The following CDH4 variants were observed in gnomAD, a reference collection of about 807,000 sequenced individuals.
CDH4 encodes cadherin 4.
A neutral mutation model predicts 86.0 loss-of-function variants in CDH4; 33 were observed. The observed-to-expected ratio is 0.38, with a 90% CI of 0.29 to 0.51. The LOEUF is 0.51. Among genes scored for constraint, CDH4 ranks in the 20% least tolerant of loss-of-function variants. The pLI is 0.86. For synonymous variants in CDH4, 555 were observed against 549.4 expected (o/e 1.01, Z -0.14); for missense variants, 1,114 against 1,307.4 (o/e 0.85, Z 2.28).
intron 2 of CDH4, among the ~76,000 whole-genome samples, chr20:61,624,885 C>T (rs2086815713): frequency 1.3e-5 from 2 of 152,304 alleles, no homozygotes; most frequent in South Asian, 2.1e-4. Context: ...GCCCCTTGAT[C>T]CCAGAAACAC....
intron 2 of CDH4, among the ~76,000 whole-genome samples, chr20:61,627,863 C>T (rs2086844515): frequency 6.6e-6 from 1 of 152,060 alleles, no homozygotes; most frequent in Admixed American, 6.5e-5. Flanking sequence ...TCCTTTCTCC[C>T]TTTTGTGTCG....
chr20:61,593,884 C>A (rs1447804579), intron 2 of CDH4, among the ~76,000 whole-genome samples: 1 of 151,140 alleles, frequency 6.6e-6, no homozygotes, highest in Non-Finnish European at 1.5e-5. Flanking sequence ...CCAGCAGAAC[C>A]CAGCACCTCC....
intron 2 of CDH4, among the ~76,000 whole-genome samples, chr20:61,714,569 C>T (rs2087931670): frequency 6.6e-6 from 1 of 152,230 alleles, no homozygotes; most frequent in African/African-American, 2.4e-5. Context: ...CCCACACTCC[C>T]CTCTTCTGGG....
At chr20:61,399,639 G>C (rs1488975897) in intron 2 of CDH4, among the ~76,000 whole-genome samples, 2 of 152,154 alleles carry the variant, frequency 1.3e-5, no homozygotes, top group Admixed American at 6.5e-5. Flanking sequence ...TGTGTGCCGG[G>C]CCTCGCTGCA....
At chr20:61,677,096 G>A (rs978006600) in intron 2 of CDH4, among the ~76,000 whole-genome samples, 3 of 152,174 alleles carry the variant, frequency 2.0e-5, no homozygotes, top group East Asian at 1.9e-4. Context: ...CTTTTACTCC[G>A]CATGCGGTAG....
At chr20:61,451,371 C>T (rs1188581565) in intron 2 of CDH4, among the ~76,000 whole-genome samples, 1 of 152,180 alleles carries the variant, frequency 6.6e-6, no homozygotes, top group Non-Finnish European at 1.5e-5. Context: ...CTATGAATCT[C>T]AGGTAGGATT....
At chr20:61,823,691 G>A (rs536058952) in intron 4 of CDH4, among the ~76,000 whole-genome samples, 40 of 152,280 alleles carry the variant, frequency 2.6e-4, no homozygotes, top group African/African-American at 9.6e-4. Flanking sequence ...TATCTTCACC[G>A]TGAATTTGTA....
At chr20:61,691,811 T>C (rs2087658723) in intron 2 of CDH4, among the ~76,000 whole-genome samples, 1 of 152,240 alleles carries the variant, frequency 6.6e-6, no homozygotes, top group Non-Finnish European at 1.5e-5. Context: ...ACCGTGTCTA[T>C]GGTCTGTCAC....
chr20:61,439,186 T>G (rs62200865), intron 2 of CDH4, among the ~76,000 whole-genome samples: 25,490 of 152,152 alleles, frequency 0.17, 2,212 homozygotes, highest in Non-Finnish European at 0.18. Flanking sequence ...ATTTGAAGAT[T>G]CAGGCCTGTC....
At chr20:61,543,850 C>A (rs1461196258) in intron 2 of CDH4, among the ~76,000 whole-genome samples, 2 of 152,212 alleles carry the variant, frequency 1.3e-5, no homozygotes, top group Non-Finnish European at 2.9e-5. Context: ...GGCTGTTGAC[C>A]TGATGGAATG....
chr20:61,764,698 C>A (rs1037846938), intron 3 of CDH4, among the ~76,000 whole-genome samples: 1 of 152,208 alleles, frequency 6.6e-6, no homozygotes, highest in African/African-American at 2.4e-5. Flanking sequence ...GCACCTTCCT[C>A]CCCAGATGTA....
intron 2 of CDH4, among the ~76,000 whole-genome samples, chr20:61,334,273 T>G (rs188171356): frequency 1.7e-3 from 264 of 152,354 alleles, no homozygotes; most frequent in African/African-American, 6.0e-3. Context: ...CCTATTTTTG[T>G]GGTGTCTCAC....
At chr20:61,574,635 G>A (rs528646917) in intron 2 of CDH4, among the ~76,000 whole-genome samples, 3 of 152,254 alleles carry the variant, frequency 2.0e-5, no homozygotes, top group South Asian at 2.1e-4. Flanking sequence ...TACTGCGTCC[G>A]GCCACTGAGA....
chr20:61,464,875 G>T (rs2085464218), intron 2 of CDH4, among the ~76,000 whole-genome samples: 1 of 152,196 alleles, frequency 6.6e-6, no homozygotes, highest in African/African-American at 2.4e-5. Flanking sequence ...GAACAAAGAA[G>T]CCGGCTTCAA....
chr20:61,702,143 C>G (rs962550503), intron 2 of CDH4, among the ~76,000 whole-genome samples: 1 of 152,260 alleles, frequency 6.6e-6, no homozygotes, highest in Non-Finnish European at 1.5e-5. Flanking sequence ...TTGAGTGGTT[C>G]TCATGCTGAG....
At chr20:61,836,903 G>C (rs1462166061) in intron 4 of CDH4, among the ~76,000 whole-genome samples, 1 of 152,230 alleles carries the variant, frequency 6.6e-6, no homozygotes, top group Non-Finnish European at 1.5e-5. Flanking sequence ...TTTAAAAGTG[G>C]GGGTAGGGGG....
At chr20:61,724,975 G>T (rs1335606912) in intron 2 of CDH4, among the ~76,000 whole-genome samples, 4 of 152,044 alleles carry the variant, frequency 2.6e-5, no homozygotes, top group African/African-American at 9.7e-5. Context: ...AGCAGGGCAT[G>T]GTGGCAGGTA....
chr20:61,823,435 G>A (rs966983168), intron 4 of CDH4, among the ~76,000 whole-genome samples: 1 of 151,858 alleles, frequency 6.6e-6, no homozygotes, highest in African/African-American at 2.4e-5. Context: ...GATGGTGGTA[G>A]AGGAAGAGAA....
rs368287410 is a variant in CDH4 at position 61,347,616 on chromosome 20, A to G, written c.169+92679A>G. On this transcript the variant is annotated intron_variant, in intron 2 of 15. Coordinates refer to ENST00000614565, the MANE Select transcript of CDH4 (RefSeq NM_001794.5). The stretch of plus-strand genomic sequence containing the variant: ...CCCTCTAGTGTGAGCGCTGAGAGAC[A>G]CATAAGGCTGTTCTGATTCATCGTG... 2.6e-5 allele frequency among the ~76,000 whole-genome samples: 4 copies of G among 152,234 alleles called. No individual in the cohort carries two copies. The South Asian group carries it at 8.3e-4, about 31-fold the overall frequency.
Sources: allele counts gnomAD v4.1 joint callset (sites outside exome capture counted in the v4.1 genomes callset), GRCh38; gene constraint gnomAD v4.1.1; transcripts MANE v1.5; gene names NCBI Gene and HGNC (gene_info 2026-07-23, HGNC 2026-07-21).